Variants in FA2H observed in about 807,000 individuals in gnomAD.
FA2H encodes the protein fatty acid alpha-hydroxylase.
FA2H carries 22 observed loss-of-function variants against 44.9 expected under a neutral mutation model. That is an observed-to-expected ratio of 0.49 (90% CI 0.35 to 0.70). The LOEUF (loss-of-function observed/expected upper bound fraction) is 0.70. FA2H is among the 30% of genes least tolerant of loss of function. The probability of loss-of-function intolerance (pLI) is 0.01; values close to 1 mark genes in which losing one functional copy is unlikely to be tolerated. For missense variants in FA2H, 501 were observed against 504.9 expected (o/e 0.99, Z 0.07); for synonymous variants, 243 against 213.2 (o/e 1.14, Z -1.22).
intron 2 of FA2H, among the ~76,000 whole-genome samples, chr16:74,736,968 T>C (rs1403008230): frequency 6.6e-6 from 1 of 152,194 alleles, no homozygotes; most frequent in Non-Finnish European, 1.5e-5. Context: ...TCCCTCGTGC[T>C]GTCAGCAGGA....
In FA2H at chr16:74,774,579, G is replaced by A. The variant is rs1436602238; in HGVS notation, c.177C>T (p.Ser59=). ...LLRARAGQDI[S]ADLDGPPHRH... Reference sequence around the variant, plus strand: ...TGTGCGGCGGCCCGTCCAGGTCGGCGCTGATGTCCTGGCCCGCCCTGGCCC... The same window carrying A: ...TGTGCGGCGGCCCGTCCAGGTCGGCACTGATGTCCTGGCCCGCCCTGGCCC... Residue 59 remains serine (S), a synonymous_variant, in exon 1 of 7, where the codon AGC becomes AGT. Transcript: ENST00000219368. The A allele has an allele frequency of 9.1e-6, 14 of 1,538,764 alleles. No homozygotes were observed. The highest frequency in any genetic ancestry group is 1.9e-5 in the Admixed American group (1 of 52,246).
intron 4 of FA2H, among the ~76,000 whole-genome samples, chr16:74,725,166 G>A (rs1567636463): frequency 6.6e-6 from 1 of 152,194 alleles, no homozygotes; most frequent in Non-Finnish European, 1.5e-5. Context: ...TGGATTTGGG[G>A]GAACTTCCTG....
At chr16:74,726,420 C>T (rs1487105700) in intron 3 of FA2H, 89 bp from the exon 4 acceptor site, 3 of 859,066 alleles carry the variant, frequency 3.5e-6, no homozygotes, top group East Asian at 2.6e-5. Context: ...CGGAGTTTCA[C>T]TCTTGTTGCC....
intron 1 of FA2H, among the ~76,000 whole-genome samples, chr16:74,761,264 C>G (rs1029691593): frequency 2.6e-5 from 4 of 152,096 alleles, no homozygotes; most frequent in African/African-American, 4.8e-5. Flanking sequence ...ACCAGCCTGG[C>G]CAACATGGTA....
chr16:74,715,375 T>A (rs1248237762), intron 6 of FA2H, among the ~76,000 whole-genome samples: 1 of 152,158 alleles, frequency 6.6e-6, no homozygotes, highest in African/African-American at 2.4e-5. Context: ...CATTGCTGCC[T>A]CAAACTCCTG....
At chr16:74,766,101 TCAG>T (rs1316046939) in intron 1 of FA2H, among the ~76,000 whole-genome samples, 1 of 152,014 alleles carries the variant, frequency 6.6e-6, no homozygotes, top group African/African-American at 2.4e-5. Context: ...GAGTTCAAGA[TCAG>T]CCTGGCAAAC....
chr16:74,766,346 T>C (rs1962808386), intron 1 of FA2H, among the ~76,000 whole-genome samples: 1 of 151,048 alleles, frequency 6.6e-6, no homozygotes, highest in South Asian at 2.1e-4. Context: ...TAAGATAGGT[T>C]CAGGTAAAGA....
intron 1 of FA2H, among the ~76,000 whole-genome samples, chr16:74,745,868 C>G (rs1962412744): frequency 6.6e-6 from 1 of 150,394 alleles, no homozygotes. Flanking sequence ...TGCAGTGGCA[C>G]CATCTTGTCT....
chr16:74,740,496 T>A (rs541516622), intron 1 of FA2H, among the ~76,000 whole-genome samples: 5 of 151,638 alleles, frequency 3.3e-5, no homozygotes, highest in Non-Finnish European at 1.5e-5. Context: ...GGTGCGCCCC[T>A]GTAATCCCAG....
At chr16:74,716,279 T>C in intron 6 of FA2H, 68 bp downstream of exon 6, 1 of 1,573,944 alleles carries the variant, frequency 6.4e-7, no homozygotes, top group Non-Finnish European at 8.7e-7. Flanking sequence ...TCCCAGGAGC[T>C]CGATGGTAGT....
chr16:74,755,041 A>T (rs1052405835), intron 1 of FA2H, among the ~76,000 whole-genome samples: 2 of 152,232 alleles, frequency 1.3e-5, no homozygotes, highest in Admixed American at 6.5e-5. Flanking sequence ...CAGCCCCCCT[A>T]GAAGCCCGGA....
In FA2H at chr16:74,774,591, G is replaced by T; in HGVS notation, c.165C>A (p.Gly55=). 1 of 1,526,440 alleles carries T rather than the reference G, an allele frequency of 6.6e-7. No homozygotes were observed. 94.6% of individuals were successfully genotyped at this position (1,526,440 alleles called of 1,614,324 possible). A position where few individuals can be genotyped will look rare whatever the true frequency, so the allele number is the denominator to read the frequency against. The change falls in exon 1 of 7, where the codon GGC becomes GGA. Residue 55 remains glycine, a synonymous_variant. Coordinates refer to ENST00000219368, the MANE Select transcript of FA2H (RefSeq NM_024306.5). ...GGEQLLRARA[G]QDISADLDGP... Reference sequence around the variant, plus strand: ...CGTCCAGGTCGGCGCTGATGTCCTGGCCCGCCCTGGCCCGCAGCAGCTGCT... The same window carrying T: ...CGTCCAGGTCGGCGCTGATGTCCTGTCCCGCCCTGGCCCGCAGCAGCTGCT...
At chr16:74,755,079 C>G (rs72792771) in intron 1 of FA2H, among the ~76,000 whole-genome samples, 3,140 of 152,220 alleles carry the variant, frequency 0.021, 63 homozygotes, top group Non-Finnish European at 0.029. Flanking sequence ...TTCTTCCTCG[C>G]AGCCTCTAGA....
intron 4 of FA2H, among the ~76,000 whole-genome samples, chr16:74,720,833 T>C (rs1418974801): frequency 6.6e-6 from 1 of 152,370 alleles, no homozygotes; most frequent in East Asian, 1.9e-4. Context: ...TTGAATCATA[T>C]GACATATGGT....
intron 2 of FA2H, among the ~76,000 whole-genome samples, chr16:74,731,273 T>A (rs1728964076): frequency 2.1e-5 from 3 of 145,580 alleles, no homozygotes; most frequent in African/African-American, 7.8e-5. Context: ...TAGCTGGGAT[T>A]ATAGGCGCCC....
In FA2H at chr16:74,765,410, G is replaced by A. The variant is rs1371610510; in HGVS notation, c.270+9076C>T. Among the ~76,000 whole-genome samples the A allele has an allele frequency of 2.0e-5, 3 of 152,196 alleles. No homozygotes were observed. The East Asian group carries it at 5.8e-4, about 29-fold the overall frequency. ...GACCTCAGGTAATCCGCCTGCCTTG[G>A]CCTCCCAAAGTGCTGGGATTACAGG... On this transcript the variant is annotated intron_variant, in intron 1 of 6. Transcript: ENST00000219368.
In FA2H at chr16:74,772,369, C is replaced by T. The variant is rs558502898; in HGVS notation, c.270+2117G>A. Among the ~76,000 whole-genome samples the T allele has an allele frequency of 1.1e-3, 167 of 152,340 alleles. 1 individual carries two copies. The highest frequency in any genetic ancestry group is 3.7e-3 in the African/African-American group (154 of 41,576). On this transcript the variant is annotated intron_variant, in intron 1 of 6. Transcript: ENST00000219368. ...TCTCTATGCTCCTCCCCTCTAGATC[C>T]GTACTCTGATACACCATTAATTAAG...
chr16:74,761,705 G>A (rs1161079445), intron 1 of FA2H, among the ~76,000 whole-genome samples: 1 of 152,180 alleles, frequency 6.6e-6, no homozygotes, highest in Non-Finnish European at 1.5e-5. Context: ...TCTAGGCAAA[G>A]TGTTCTCTCT....
In FA2H at chr16:74,727,227, C is replaced by T; in HGVS notation, c.506+17G>A. 1.2e-6 allele frequency: 2 copies of T among 1,613,932 alleles called. No individual in the cohort carries two copies. Among genetic ancestry groups the T allele is most frequent in the African/African-American group, 1.3e-5 (1 of 75,030 alleles). The stretch of plus-strand genomic sequence containing the variant: ...GAAGAGAGGGACAGCCTGCCACAGG[C>T]TCAGGGAAGAGCTCACCAGACAGTC... On this transcript the variant is annotated intron_variant, in intron 3 of 6. Coordinates refer to ENST00000219368, the MANE Select transcript of FA2H (RefSeq NM_024306.5).
Sources: allele counts gnomAD v4.1 joint callset (sites outside exome capture counted in the v4.1 genomes callset), GRCh38; gene constraint gnomAD v4.1.1; transcripts MANE v1.5; gene names NCBI Gene and HGNC (gene_info 2026-07-23, HGNC 2026-07-21).